Variants in ZNF148 observed in about 807,000 individuals in gnomAD.
ZNF148 encodes zinc finger protein 148, also known as Beta-Enolase Repressor Factor-1.
In ZNF148, 7 loss-of-function variants were observed where a neutral mutation model predicts 67.7. The ratio of observed to expected loss-of-function variants is 0.10; its 90% confidence interval spans 0.06 to 0.19. The LOEUF (loss-of-function observed/expected upper bound fraction) is 0.19, where lower values mean the gene tolerates loss of function less well. ZNF148 is among the 10% of genes least tolerant of loss of function. The pLI is 1.00. For missense variants in ZNF148, 583 were observed against 947.1 expected, an observed-to-expected ratio of 0.62 and a Z score of 5.05; for synonymous variants, 333 against 330.7, an observed-to-expected ratio of 1.01 and a Z score of -0.08.
At chr3:125,319,323 A>G (rs1045720679) in intron 3 of ZNF148, among the ~76,000 whole-genome samples, 1 of 152,218 alleles carries the variant, frequency 6.6e-6, no homozygotes, top group African/African-American at 2.4e-5. Flanking sequence ...GGAATTAAAT[A>G]CATAGGCTTT....
intron 5 of ZNF148, among the ~76,000 whole-genome samples, chr3:125,287,029 G>C (rs1174895620): frequency 2.6e-5 from 4 of 152,128 alleles, no homozygotes; most frequent in African/African-American, 4.8e-5. Context: ...CTAATTATAA[G>C]CTACCAATGG....
chr3:125,279,049 GAC>G, intron 6 of ZNF148, 73 bp downstream of exon 6: 1 of 1,417,118 alleles, frequency 7.1e-7, no homozygotes, highest in Non-Finnish European at 9.4e-7. Flanking sequence ...AGGAATGAAT[GAC>G]AGTTACACGA....
intron 2 of ZNF148, 106 bp from the exon 3 acceptor site, chr3:125,323,550 T>TAAA (rs1940877523): frequency 8.0e-6 from 4 of 502,170 alleles, no homozygotes; most frequent in Non-Finnish European, 1.4e-5. Context: ...AAATTCTTTC[T>TAAA]AAATACAGTA....
chr3:125,345,602 A>C (rs7431183), intron 1 of ZNF148, among the ~76,000 whole-genome samples: 12 of 133,744 alleles, frequency 9.0e-5, no homozygotes, highest in Non-Finnish European at 6.5e-5. Context: ...ACAACAACAA[A>C]AAAAGACAAA....
At chr3:125,320,369 T>G (rs571309256) in intron 3 of ZNF148, among the ~76,000 whole-genome samples, 45 of 152,350 alleles carry the variant, frequency 3.0e-4, no homozygotes, top group African/African-American at 1.0e-3. Context: ...GCTCTAAAAT[T>G]TTTTAAAGCA....
intron 4 of ZNF148, among the ~76,000 whole-genome samples, chr3:125,294,542 A>G (rs1195828326): frequency 2.0e-5 from 3 of 152,210 alleles, no homozygotes; most frequent in Non-Finnish European, 2.9e-5. Flanking sequence ...CTACAAAAAT[A>G]CTCAGCATTT....
In ZNF148 at chr3:125,345,607, G is replaced by A. The variant is rs9713555; in HGVS notation, c.-233-14369C>T. 5.3e-3 allele frequency among the ~76,000 whole-genome samples: 787 copies of A among 149,740 alleles called. 7 individuals carry two copies. The highest frequency in any genetic ancestry group is 0.018 in the African/African-American group (751 of 40,694). ...AACAACAACAACAACAACAAAAAAA[G>A]ACAAACAGAAGACACAAAACATCAG... On this transcript the variant is annotated intron_variant, in intron 1 of 8. Transcript: ENST00000360647.
intron 3 of ZNF148, among the ~76,000 whole-genome samples, chr3:125,320,374 A>T (rs1193994849): frequency 1.3e-5 from 2 of 152,254 alleles, no homozygotes; most frequent in African/African-American, 4.8e-5. Flanking sequence ...AAAATTTTTT[A>T]AAGCACCAAG....
intron 5 of ZNF148, among the ~76,000 whole-genome samples, chr3:125,285,128 G>C (rs1938592209): frequency 6.6e-6 from 1 of 152,066 alleles, no homozygotes; most frequent in Non-Finnish European, 1.5e-5. Context: ...CTACACAATG[G>C]TGACACAAAC....
At chr3:125,323,842 C>T (rs1358374378) in intron 2 of ZNF148, among the ~76,000 whole-genome samples, 1 of 152,062 alleles carries the variant, frequency 6.6e-6, no homozygotes, top group Non-Finnish European at 1.5e-5. Flanking sequence ...CGCCTGTAAT[C>T]CCAGCTACTC....
chr3:125,325,698 C>G (rs994124840), intron 2 of ZNF148, among the ~76,000 whole-genome samples: 3 of 152,134 alleles, frequency 2.0e-5, no homozygotes, highest in African/African-American at 7.2e-5. Flanking sequence ...CTCCTGACCT[C>G]AGGTGATCTG....
intron 3 of ZNF148, among the ~76,000 whole-genome samples, chr3:125,315,425 T>C (rs1386044101): frequency 6.6e-6 from 1 of 152,004 alleles, no homozygotes; most frequent in East Asian, 1.9e-4. Flanking sequence ...ATATAAAACA[T>C]TGGCCGGGTG....
At chr3:125,338,659 C>CAAAAAAAAAA (rs757727396) in intron 1 of ZNF148, among the ~76,000 whole-genome samples, 2 of 51,188 alleles carry the variant, frequency 3.9e-5, no homozygotes, top group Non-Finnish European at 6.6e-5. Flanking sequence ...GACCCTGTCT[C>CAAAAAAAAAA]AAAAAAAAAA....
At chr3:125,317,662 T>TATATATATAGAG (rs752542874) in intron 3 of ZNF148, among the ~76,000 whole-genome samples, 2 of 90,016 alleles carry the variant, frequency 2.2e-5, no homozygotes, top group Non-Finnish European at 4.4e-5. Flanking sequence ...TATATATATA[T>TATATATATAGAG]AGAGAGAGAG....
At chr3:125,273,443 ATATAAT>A (rs1185540756) in intron 7 of ZNF148, among the ~76,000 whole-genome samples, 2 of 152,018 alleles carry the variant, frequency 1.3e-5, no homozygotes, top group African/African-American at 4.8e-5. Context: ...TAGTGAACAT[ATATAAT>A]TCTGAGTGAT....
chr3:125,253,771 T>C (rs1233312230), intron 7 of ZNF148, among the ~76,000 whole-genome samples: 1 of 152,178 alleles, frequency 6.6e-6, no homozygotes, highest in Non-Finnish European at 1.5e-5. Flanking sequence ...AAAGTTGATG[T>C]TGTCATGATA....
chr3:125,349,514 CA>C (rs1942062847), intron 1 of ZNF148, among the ~76,000 whole-genome samples: 1 of 152,118 alleles, frequency 6.6e-6, no homozygotes, highest in African/African-American at 2.4e-5. Context: ...ATATGCAAAT[CA>C]AAACCACAAT....
intron 7 of ZNF148, among the ~76,000 whole-genome samples, chr3:125,269,296 G>A (rs934485426): frequency 4.6e-5 from 7 of 151,192 alleles, no homozygotes; most frequent in African/African-American, 1.7e-4. Flanking sequence ...TGGGAGGATC[G>A]CTTGAGCCCG....
intron 4 of ZNF148, among the ~76,000 whole-genome samples, chr3:125,311,598 C>T (rs1331150051): frequency 6.6e-6 from 1 of 151,820 alleles, no homozygotes; most frequent in Non-Finnish European, 1.5e-5. Context: ...ATCAAATGTA[C>T]ATCAATTACA....
Sources: allele counts gnomAD v4.1 joint callset (sites outside exome capture counted in the v4.1 genomes callset), GRCh38; gene constraint gnomAD v4.1.1; transcripts MANE v1.5; gene names NCBI Gene and HGNC (gene_info 2026-07-23, HGNC 2026-07-21).